SNED1: variants seen among roughly 807,000 people sequenced by gnomAD.
SNED1 encodes sushi, nidogen and EGF like domains 1.
Under a neutral mutation model 166.7 loss-of-function variants are expected in SNED1, and 81 were observed. The observed-to-expected ratio is 0.49, with a 90% CI of 0.41 to 0.58. SNED1 has a LOEUF of 0.58. Among genes scored for constraint, SNED1 ranks in the 20% least tolerant of loss-of-function variants. The probability of loss-of-function intolerance (pLI) is 0.00; values close to 1 mark genes in which losing one functional copy is unlikely to be tolerated. For synonymous variants in SNED1, 762 were observed against 822.0 expected, an observed-to-expected ratio of 0.93 and a Z score of 1.25; for missense variants, 1,604 against 2,000.2, an observed-to-expected ratio of 0.80 and a Z score of 3.78.
chr2:241,071,718 C>CCCCCCGGCA lies in SNED1; in HGVS notation c.3732_3733insCCCCCGGCA (p.Pro1244_Arg1245insProProAla). 6.7e-7 allele frequency: 1 copy of CCCCCCGGCA among 1,503,692 alleles called. No individual in the cohort carries two copies. The highest frequency in any genetic ancestry group is 9.0e-7 in the Non-Finnish European group (1 of 1,112,836). The allele number at this position is 1,503,692 out of a possible 1,614,324, so 93.1% of individuals were successfully genotyped here. On this transcript the variant is annotated inframe_insertion and splice_region_variant, in exon 25 of 32. Transcript: ENST00000310397. ...CCCCCGAGACCCCCACCCAGCCCCC[C>CCCCCCGGCA]AGGTACATGCCCCACCCATCGGCCC... is the stretch of plus-strand genomic sequence containing the variant.
At chr2:241,072,707 CCGGGATGCCCAG>C (rs1464308707) in intron 26 of SNED1, 1 of 191,950 alleles carries the variant, frequency 5.2e-6, no homozygotes, top group East Asian at 1.5e-4. Context: ...AGGCAGCTGC[CCGGGATGCCCAG>C]TGGTGGGCAG....
intron 18 of SNED1, 97 bp downstream of exon 18, chr2:241,063,797 C>A: frequency 1.0e-6 from 1 of 985,880 alleles, no homozygotes; most frequent in Non-Finnish European, 1.5e-6. Flanking sequence ...CTGGGCAGGC[C>A]ACCTGGGGAG....
Position 241,071,615 on chromosome 2 carries a change from G to T in SNED1, c.3629G>T (p.Gly1210Val). ...DGADRRWHQG[G>V]HHPRVLKNRP... is the part of the protein sequence containing the mutation. ...GCTGACAGACGCTGGCACCAGGGAG[G>T]ACACCACCCTCGGGTGCTCAAGAAC... The change falls in exon 25 of 32, where the codon GGA becomes GTA. Residue 1210 changes from glycine to valine, a missense_variant. By Grantham distance (109) the Gly-to-Val change is moderately radical. Coordinates refer to ENST00000310397, the MANE Select transcript of SNED1 (RefSeq NM_001080437.3). 6.3e-7 allele frequency: 1 copy of T among 1,587,826 alleles called. No homozygotes were observed. The highest frequency in any genetic ancestry group is 8.5e-7 in the Non-Finnish European group (1 of 1,174,336).
intron 8 of SNED1, among the ~76,000 whole-genome samples, chr2:241,043,658 T>C (rs1053627988): frequency 3.3e-5 from 5 of 152,148 alleles, no homozygotes; most frequent in African/African-American, 1.2e-4. Context: ...ATAATAAAAC[T>C]TACATGCAGA....
In SNED1 at chr2:241,040,426, G is replaced by A. The variant is rs1323258820; in HGVS notation, c.1273+13G>A. 27 of 1,526,716 alleles carry A rather than the reference G, an allele frequency of 1.8e-5. No homozygotes were observed. Among genetic ancestry groups the A allele is most frequent in the Non-Finnish European group, 2.4e-5 (27 of 1,121,236 alleles). The allele number at this position is 1,526,716 out of a possible 1,614,324, so 94.6% of individuals were successfully genotyped here. On this transcript the variant is annotated intron_variant, in intron 8 of 31. Transcript: ENST00000310397. The stretch of plus-strand genomic sequence containing the variant: ...CGCTGTGAGACAGGTAACTGGCCAA[G>A]TGCCTGCAGGCCACCATGGCTGATG...
chr2:241,044,797 T>C lies in SNED1; in HGVS notation c.1274-3518T>C, dbSNP rs575792836. 3.9e-5 allele frequency among the ~76,000 whole-genome samples: 6 copies of C among 152,328 alleles called. No individual in the cohort carries two copies. The South Asian group carries it at 1.2e-3, about 32-fold the overall frequency. On this transcript the variant is annotated intron_variant, in intron 8 of 31. Transcript: ENST00000310397. ...ATTGTTTTTCCCTTTCCTGTTGTTT[T>C]TCCCTTTGTCTGTCATCCCATTACT...
intron 16 of SNED1, among the ~76,000 whole-genome samples, chr2:241,058,972 T>C (rs2062150489): frequency 6.6e-6 from 1 of 151,800 alleles, no homozygotes; most frequent in Admixed American, 6.6e-5. Context: ...ATCATTAACA[T>C]TGATAAACCC....
At chr2:241,040,472 C>T in intron 8 of SNED1, 59 bp downstream of exon 8, 1 of 1,053,072 alleles carries the variant, frequency 9.5e-7, no homozygotes, top group Non-Finnish European at 1.4e-6. Flanking sequence ...GCCGTGAACA[C>T]CCCCATAGCC....
chr2:241,084,739 T>C (rs1402035522), intron 29 of SNED1, among the ~76,000 whole-genome samples: 2 of 152,224 alleles, frequency 1.3e-5, no homozygotes, highest in South Asian at 2.1e-4. Flanking sequence ...TTTTTGTAGA[T>C]CTAGGATTCC....
intron 10 of SNED1, 122 bp from the exon 11 acceptor site, chr2:241,048,900 C>A: frequency 8.5e-7 from 1 of 1,180,504 alleles, no homozygotes; most frequent in Non-Finnish European, 1.2e-6. Flanking sequence ...GAGGGACTGG[C>A]CACAAGAGTG....
intron 2 of SNED1, among the ~76,000 whole-genome samples, chr2:241,032,489 TG>T (rs1221590878): frequency 3.7e-4 from 11 of 30,136 alleles, no homozygotes; most frequent in East Asian, 8.6e-4. Flanking sequence ...TGTCGTGGGG[TG>T]GGGGGGTCGG....
chr2:241,066,867 G>A (rs1271808426), intron 21 of SNED1, among the ~76,000 whole-genome samples: 1 of 152,210 alleles, frequency 6.6e-6, no homozygotes, highest in Non-Finnish European at 1.5e-5. Flanking sequence ...AGCCCACCCA[G>A]AGGCCCACAA....
chr2:241,067,389 T>C (rs1301527848), intron 21 of SNED1, among the ~76,000 whole-genome samples: 1 of 152,206 alleles, frequency 6.6e-6, no homozygotes, highest in Non-Finnish European at 1.5e-5. Context: ...TGTGTGCTCT[T>C]AGACCAAAAT....
chr2:241,068,634 G>C lies in SNED1; in HGVS notation c.3195-277G>C, dbSNP rs1047979531. ...ACAGTGACCACTTCCCCCTTCTCTG[G>C]CCTCTCCCAGCTGAACACCGGCCCT... On this transcript the variant is annotated intron_variant, in intron 22 of 31. Transcript: ENST00000310397. The surrounding 1 kb of genome is among the most constrained non-coding windows in gnomAD (Gnocchi z 5.3). Among the ~76,000 whole-genome samples the C allele has an allele frequency of 6.6e-6, 1 of 151,880 alleles. No individual in the cohort carries two copies. The highest frequency in any genetic ancestry group is 1.5e-5 in the Non-Finnish European group (1 of 67,966).
rs745550994 is a variant in SNED1, at chr2:241,064,152, C to G, written c.2599+27C>G. The G allele has an allele frequency of 7.0e-7, 1 of 1,430,604 alleles. No homozygotes were observed. Among genetic ancestry groups the G allele is most frequent in the Admixed American group, 2.0e-5 (1 of 48,842 alleles). The allele number at this position is 1,430,604 out of a possible 1,614,324, so 88.6% of individuals were successfully genotyped here. Reference sequence around the variant, plus strand: ...TAGGGCGGCAGGCCTGCCTGCTCCCCGCCCTCTGCCCGCCTGCTCCCCGCC... The same window carrying G: ...TAGGGCGGCAGGCCTGCCTGCTCCCGGCCCTCTGCCCGCCTGCTCCCCGCC... On this transcript the variant is annotated intron_variant, in intron 19 of 31. Transcript: ENST00000310397. This position sits in a 1 kb window ranked among gnomAD's most constrained non-coding sequence, Gnocchi z 7.0.
At chr2:241,045,052 AT>A (rs2061612998) in intron 8 of SNED1, among the ~76,000 whole-genome samples, 1 of 152,202 alleles carries the variant, frequency 6.6e-6, no homozygotes, top group South Asian at 2.1e-4. Context: ...TGACAATACC[AT>A]TTATAATAGC....
Position 241,071,858 on chromosome 2 carries a change from A to G in SNED1, c.3797A>G (p.Lys1266Arg), listed in dbSNP as rs759650622. Residue 1266 changes from lysine (K) to arginine (R), a missense_variant, in exon 26 of 32, where the codon AAA becomes AGA. Around this residue, in one of 2 missense-constraint regions of SNED1, gnomAD observed 367 missense variants for 379.4 expected, o/e 0.97. Coordinates refer to ENST00000310397, the MANE Select transcript of SNED1 (RefSeq NM_001080437.3). ...GCCAGGTTCGGTGGCTCACCCAGCA[A>G]AGCAGCCACCGTGAGATCACGTGAG... ...VSARFGGSPSKAATVRSQPTA... is the reference protein window; with the variant it reads ...VSARFGGSPSRAATVRSQPTA... The G allele has an allele frequency of 6.2e-7, 1 of 1,605,374 alleles. No individual in the cohort carries two copies. The highest frequency in any genetic ancestry group is 1.1e-5 in the South Asian group (1 of 89,114).
At chr2:241,040,442 A>T in intron 8 of SNED1, 29 bp downstream of exon 8, 1 of 1,426,688 alleles carries the variant, frequency 7.0e-7, no homozygotes, top group Non-Finnish European at 9.6e-7. Flanking sequence ...GCAGGCCACC[A>T]TGGCTGATGG....
chr2:241,088,185 G>T (rs889984561), intron 30 of SNED1, 180 bp from the exon 31 acceptor site: 3 of 593,978 alleles, frequency 5.1e-6, no homozygotes, highest in Admixed American at 3.0e-5. Flanking sequence ...CAAGCCAGGC[G>T]GGCGCACACA....
Sources: allele counts gnomAD v4.1 joint callset (sites outside exome capture counted in the v4.1 genomes callset), GRCh38; gene constraint gnomAD v4.1.1; regional missense constraint gnomAD v4.1.1; non-coding constraint Gnocchi (gnomAD v3.1); transcripts MANE v1.5; gene names NCBI Gene and HGNC (gene_info 2026-07-23, HGNC 2026-07-21).